Variants in CELF2 observed in about 807,000 individuals in gnomAD.
The protein encoded by CELF2 is CUGBP Elav-like family member 2.
In CELF2, 8 loss-of-function variants were observed where a neutral mutation model predicts 62.6. The observed-to-expected ratio is 0.13, with a 90% CI of 0.07 to 0.23. CELF2 has a LOEUF of 0.23. Ranked by LOEUF, CELF2 falls within the 10% of genes least tolerant of loss-of-function variation. CELF2 has a pLI of 1.00. For missense variants in CELF2, 333 were observed against 671.0 expected, an observed-to-expected ratio of 0.50 and a Z score of 5.56; for synonymous variants, 258 against 250.0, an observed-to-expected ratio of 1.03 and a Z score of -0.30.
At chr10:10,891,255 A>C (rs1260782362) in intron 1 of CELF2, among the ~76,000 whole-genome samples, 1 of 152,076 alleles carries the variant, frequency 6.6e-6, no homozygotes, top group Non-Finnish European at 1.5e-5. Context: ...CTCTCATATA[A>C]ATCCTTAGCC....
chr10:11,077,074 C>T (rs948028164), intron 1 of CELF2, among the ~76,000 whole-genome samples: 42 of 152,180 alleles, frequency 2.8e-4, no homozygotes, highest in African/African-American at 9.4e-4. Context: ...CCCTATAAAA[C>T]GGTGATTTCC....
At chr10:10,849,789 A>G (rs964254771) in intron 1 of CELF2, among the ~76,000 whole-genome samples, 14 of 152,054 alleles carry the variant, frequency 9.2e-5, no homozygotes, top group Admixed American at 2.6e-4. Flanking sequence ...GTGTATGTGT[A>G]TATGTATATG....
At chr10:10,772,849 A>G in the CELF2 span, among the ~76,000 whole-genome samples, 1 of 150,186 alleles carries the variant, frequency 6.7e-6, no homozygotes, top group African/African-American at 2.5e-5. Flanking sequence ...AAAACTCACT[A>G]TTTGAACATC....
chr10:10,585,725 A>T, the CELF2 span, among the ~76,000 whole-genome samples: 1 of 152,248 alleles, frequency 6.6e-6, no homozygotes, highest in South Asian at 2.1e-4. Context: ...TGATTAGGGG[A>T]TCTTTTATGT....
upstream of CELF2, among the ~76,000 whole-genome samples, chr10:11,000,362 A>T (rs913353400): frequency 1.3e-5 from 2 of 152,096 alleles, no homozygotes; most frequent in Non-Finnish European, 2.9e-5. Context: ...TCTTAAATTT[A>T]TCTAGTACCT....
At chr10:11,063,004 G>A (rs977542733) in intron 1 of CELF2, among the ~76,000 whole-genome samples, 2 of 152,154 alleles carry the variant, frequency 1.3e-5, no homozygotes, top group African/African-American at 4.8e-5. Context: ...CAAAACGATT[G>A]CAAGCAGCGG....
chr10:11,085,374 G>A (rs1316411517), intron 1 of CELF2, among the ~76,000 whole-genome samples: 1 of 152,120 alleles, frequency 6.6e-6, no homozygotes, highest in Non-Finnish European at 1.5e-5. Flanking sequence ...CCTGTTCATT[G>A]AAAAACATGG....
At chr10:11,058,552 C>T (rs1279638615) in intron 1 of CELF2, among the ~76,000 whole-genome samples, 1 of 149,756 alleles carries the variant, frequency 6.7e-6, no homozygotes, top group Non-Finnish European at 1.5e-5. Context: ...CTGCAACCTC[C>T]ACCTCCCAGG....
intron 1 of CELF2, among the ~76,000 whole-genome samples, chr10:10,886,896 T>G (rs1248461334): frequency 6.6e-6 from 1 of 152,086 alleles, no homozygotes; most frequent in Admixed American, 6.5e-5. Flanking sequence ...AAGCTGTTTG[T>G]GGTATGCCAA....
chr10:10,671,091 G>A, the CELF2 span, among the ~76,000 whole-genome samples: 4 of 150,962 alleles, frequency 2.6e-5, no homozygotes, highest in African/African-American at 9.8e-5. Context: ...ACCTAAGCCT[G>A]GGAGATTGAG....
intron 1 of CELF2, among the ~76,000 whole-genome samples, chr10:11,105,898 T>C (rs781562205): frequency 4.6e-5 from 7 of 152,250 alleles, no homozygotes; most frequent in South Asian, 2.1e-4. Context: ...TCTTTAGATT[T>C]CTTCATAGCA....
At chr10:11,249,539 T>C (rs1475150958) in intron 4 of CELF2, among the ~76,000 whole-genome samples, 1 of 152,070 alleles carries the variant, frequency 6.6e-6, no homozygotes, top group Non-Finnish European at 1.5e-5. Flanking sequence ...CTCATGGGGA[T>C]CCAGAGGACG....
At chr10:10,600,072 A>C in the CELF2 span, among the ~76,000 whole-genome samples, 1 of 152,022 alleles carries the variant, frequency 6.6e-6, no homozygotes, top group African/African-American at 2.4e-5. Flanking sequence ...GACCTTCTGC[A>C]CAAATGCACC....
intron 1 of CELF2, among the ~76,000 whole-genome samples, chr10:11,128,340 C>T (rs906751340): frequency 6.6e-6 from 1 of 152,122 alleles, no homozygotes; most frequent in African/African-American, 2.4e-5. Flanking sequence ...GTTCTTCTGG[C>T]TTAGGATTGT....
the CELF2 span, among the ~76,000 whole-genome samples, chr10:10,553,760 G>A: frequency 0.043 from 6,518 of 152,174 alleles, 461 homozygotes; most frequent in African/African-American, 0.15. Flanking sequence ...GCGAGCAGAG[G>A]CCCTACAGCA....
Position 11,290,831 on chromosome 10 carries a change from T to C in CELF2, c.976+2279T>C, listed in dbSNP as rs1236394521. Among the ~76,000 whole-genome samples the C allele has an allele frequency of 1.3e-5, 2 of 152,226 alleles. No homozygotes were observed. The highest frequency in any genetic ancestry group is 2.4e-5 in the African/African-American group (1 of 41,456). ...GCTTTGCATAATAACTGAAAGTATT[T>C]TATTAGAATCCTAAAGTGTAGCAGC... is the stretch of plus-strand genomic sequence containing the variant. On this transcript the variant is annotated intron_variant, in intron 9 of 12. Coordinates refer to ENST00000633077, the MANE Select transcript of CELF2 (RefSeq NM_001326342.2). The surrounding 1 kb of genome is among the most constrained non-coding windows in gnomAD (Gnocchi z 4.3).
intron 1 of CELF2, among the ~76,000 whole-genome samples, chr10:10,872,451 A>G (rs998525398): frequency 1.3e-5 from 2 of 152,178 alleles, no homozygotes; most frequent in African/African-American, 2.4e-5. Flanking sequence ...TTTAAGTACA[A>G]TTTTCCAAAT....
In CELF2 at chr10:11,191,534, G is replaced by T. The variant is rs573978420; in HGVS notation, c.271+25852G>T. On this transcript the variant is annotated intron_variant, in intron 2 of 12. Coordinates refer to ENST00000633077, the MANE Select transcript of CELF2 (RefSeq NM_001326342.2). This position sits in a 1 kb window ranked among gnomAD's most constrained non-coding sequence, Gnocchi z 4.1. ...CTCGGGAAAGTGACCTATCAAGGGG[G>T]CATACAACAGGGACACCACCTTGAA... 4.7e-4 allele frequency among the ~76,000 whole-genome samples: 71 copies of T among 152,264 alleles called. 1 individual carries two copies. Among genetic ancestry groups the T allele is most frequent in the Admixed American group, 1.0e-3 (16 of 15,306 alleles).
intron 1 of CELF2, among the ~76,000 whole-genome samples, chr10:11,027,859 C>T (rs753964250): frequency 2.0e-5 from 3 of 152,204 alleles, no homozygotes; most frequent in Non-Finnish European, 4.4e-5. Context: ...ACGCTGCTTA[C>T]CTGTCCCACA....
Sources: allele counts gnomAD v4.1 joint callset (sites outside exome capture counted in the v4.1 genomes callset), GRCh38; gene constraint gnomAD v4.1.1; non-coding constraint Gnocchi (gnomAD v3.1); transcripts MANE v1.5; gene names NCBI Gene and HGNC (gene_info 2026-07-23, HGNC 2026-07-21).